The following RUNDC3B variants were observed in gnomAD, a reference collection of about 807,000 sequenced individuals.
The protein encoded by RUNDC3B is RUN domain containing 3B.
Under a neutral mutation model 58.4 loss-of-function variants are expected in RUNDC3B, and 33 were observed. The observed-to-expected ratio is 0.56, with a 90% confidence interval of 0.43 to 0.75. The LOEUF is 0.75. Ranked by LOEUF, RUNDC3B falls within the 30% of genes least tolerant of loss-of-function variation. The pLI, the probability that RUNDC3B is intolerant of heterozygous loss-of-function variation, is 0.00. For synonymous variants in RUNDC3B, 193 were observed against 195.2 expected, an observed-to-expected ratio of 0.99 and a Z score of 0.10; for missense variants, 501 against 535.7, an observed-to-expected ratio of 0.94 and a Z score of 0.64.
rs1476095394 is a variant in RUNDC3B, at chr7:87,741,616, A to T, written c.629+37A>T. 9.2e-6 allele frequency: 11 copies of T among 1,198,156 alleles called. No individual in the cohort carries two copies. In the East Asian group the frequency reaches 2.5e-4, roughly 27 times the overall value. 74.2% of individuals were successfully genotyped at this position (1,198,156 alleles called of 1,614,324 possible). A position where few individuals can be genotyped will look rare whatever the true frequency, so the allele number is the denominator to read the frequency against. On this transcript the variant is annotated intron_variant, in intron 6 of 10. Transcript: ENST00000394654. ...TTTGAGATATGTTTTTTAAAATCTTATTTAAAATTGAATGTCTTGTGCAAT... is the reference window on the plus strand; with the variant it reads ...TTTGAGATATGTTTTTTAAAATCTTTTTTAAAATTGAATGTCTTGTGCAAT...
At chr7:87,690,732 G>A (rs1827937321) in intron 2 of RUNDC3B, among the ~76,000 whole-genome samples, 1 of 152,104 alleles carries the variant, frequency 6.6e-6, no homozygotes. Flanking sequence ...AATAGAATAT[G>A]TTCTATATGA....
intron 2 of RUNDC3B, among the ~76,000 whole-genome samples, chr7:87,685,920 A>G (rs1318728104): frequency 1.3e-5 from 2 of 152,204 alleles, no homozygotes; most frequent in Non-Finnish European, 2.9e-5. Context: ...CTTGATCCTC[A>G]CTTATTTTAG....
intron 2 of RUNDC3B, among the ~76,000 whole-genome samples, chr7:87,668,387 A>G (rs1020120442): frequency 6.6e-6 from 1 of 151,838 alleles, no homozygotes; most frequent in African/African-American, 2.4e-5. Flanking sequence ...CTTCTTCTTT[A>G]TTAGTCTAAC....
intron 6 of RUNDC3B, among the ~76,000 whole-genome samples, chr7:87,742,160 A>G (rs751679953): frequency 3.3e-5 from 5 of 152,154 alleles, no homozygotes; most frequent in Non-Finnish European, 7.4e-5. Context: ...TATGTTTCTA[A>G]GGTCTGCTTG....
intron 8 of RUNDC3B, among the ~76,000 whole-genome samples, chr7:87,781,342 C>G (rs1834909896): frequency 6.9e-6 from 1 of 145,758 alleles, no homozygotes; most frequent in Admixed American, 6.8e-5. Context: ...ATTTTATACC[C>G]TGAAACTTTA....
intron 4 of RUNDC3B, among the ~76,000 whole-genome samples, chr7:87,725,017 A>G (rs964456892): frequency 1.3e-5 from 2 of 152,174 alleles, no homozygotes; most frequent in African/African-American, 2.4e-5. Flanking sequence ...GACTCTTGCT[A>G]GTCAAAGCCA....
chr7:87,630,502 G>A (rs1821106655), intron 1 of RUNDC3B, among the ~76,000 whole-genome samples: 1 of 151,994 alleles, frequency 6.6e-6, no homozygotes, highest in African/African-American at 2.4e-5. Context: ...CTTTAAAGTA[G>A]GTAAATGGAA....
intron 1 of RUNDC3B, among the ~76,000 whole-genome samples, chr7:87,634,338 T>C (rs189370755): frequency 6.6e-6 from 1 of 152,224 alleles, no homozygotes; most frequent in East Asian, 1.9e-4. Flanking sequence ...TTTAAATTTG[T>C]TGGCTGGGTG....
chr7:87,823,205 C>T (rs1345385798), intron 10 of RUNDC3B, among the ~76,000 whole-genome samples: 1 of 151,976 alleles, frequency 6.6e-6, no homozygotes, highest in Non-Finnish European at 1.5e-5. Context: ...TCTGGCCTTC[C>T]AAGATGATTT....
chr7:87,789,458 G>A (rs988616219), intron 8 of RUNDC3B, among the ~76,000 whole-genome samples: 3 of 152,170 alleles, frequency 2.0e-5, no homozygotes, highest in African/African-American at 7.2e-5. Flanking sequence ...GTGATACTAT[G>A]CCATTCTGAT....
At chr7:87,736,874 T>C (rs1831984594) in intron 4 of RUNDC3B, among the ~76,000 whole-genome samples, 2 of 36,922 alleles carry the variant, frequency 5.4e-5, no homozygotes, top group Non-Finnish European at 1.0e-4. Context: ...TATATATATA[T>C]ATATATATAT....
Position 87,637,779 on chromosome 7 carries a change from C to T in RUNDC3B, c.122+8834C>T, listed in dbSNP as rs367591623. 8.7e-4 allele frequency among the ~76,000 whole-genome samples: 132 copies of T among 151,908 alleles called. 1 individual carries two copies. In the South Asian group the frequency reaches 0.026, roughly 30 times the overall value. ...CTGGTCTTATATCTAACAGTCTTAC[C>T]AGATTTCTTTATTAATTCTAACAGA... On this transcript the variant is annotated intron_variant, in intron 1 of 10. Coordinates refer to ENST00000394654, the MANE Select transcript of RUNDC3B (RefSeq NM_001134405.2).
chr7:87,650,527 C>T (rs1823471213), intron 1 of RUNDC3B, among the ~76,000 whole-genome samples: 3 of 152,080 alleles, frequency 2.0e-5, no homozygotes, highest in Admixed American at 1.3e-4. Flanking sequence ...ATCCAATCAC[C>T]TCCCAAAGGC....
chr7:87,794,635 A>AC (rs1302685626), intron 8 of RUNDC3B, among the ~76,000 whole-genome samples: 3 of 152,108 alleles, frequency 2.0e-5, no homozygotes, highest in African/African-American at 7.2e-5. Flanking sequence ...CAAAAAAAAA[A>AC]AAAACCTAAC....
chr7:87,716,448 A>G (rs897450503), intron 4 of RUNDC3B, among the ~76,000 whole-genome samples: 13 of 152,216 alleles, frequency 8.5e-5, no homozygotes, highest in Non-Finnish European at 1.3e-4. Flanking sequence ...ACCTGTAGGA[A>G]TTGCTAACAA....
chr7:87,728,099 ATCT>A (rs1292076292), intron 4 of RUNDC3B, among the ~76,000 whole-genome samples: 2 of 152,176 alleles, frequency 1.3e-5, no homozygotes, highest in African/African-American at 4.8e-5. Context: ...GAATATAAAA[ATCT>A]TCTTAGTCTT....
At chr7:87,654,903 T>A (rs1476631862) in intron 2 of RUNDC3B, among the ~76,000 whole-genome samples, 1 of 152,000 alleles carries the variant, frequency 6.6e-6, no homozygotes, top group East Asian at 1.9e-4. Flanking sequence ...CATTCTCAAA[T>A]AAGACATTCA....
At chr7:87,751,616 C>T (rs1313714566) in intron 6 of RUNDC3B, among the ~76,000 whole-genome samples, 1 of 151,972 alleles carries the variant, frequency 6.6e-6, no homozygotes, top group Non-Finnish European at 1.5e-5. Context: ...AGTTGGATTC[C>T]TAGGTATTTT....
chr7:87,628,980 C>G (rs754002701), intron 1 of RUNDC3B, 35 bp downstream of exon 1: 1 of 1,304,492 alleles, frequency 7.7e-7, no homozygotes, highest in South Asian at 3.3e-5. Flanking sequence ...ACCAGCCTCC[C>G]GCCGGGGCTG....
Sources: gnomAD v4.1 joint callset for allele counts (sites outside exome capture counted in the v4.1 genomes callset) on GRCh38, gnomAD v4.1.1 for gene constraint, MANE v1.5 for transcripts, NCBI Gene and HGNC (gene_info 2026-07-23, HGNC 2026-07-21) for gene names.